The following TMEFF1 variants were observed in gnomAD, a reference collection of about 807,000 sequenced individuals.
The protein encoded by TMEFF1 is tomoregulin-1.
A neutral mutation model predicts 47.5 loss-of-function variants in TMEFF1; 20 were observed. That is an observed-to-expected ratio of 0.42 (90% CI 0.30 to 0.61). The LOEUF is 0.61. Among genes scored for constraint, TMEFF1 ranks in the 20% least tolerant of loss-of-function variants. The probability of loss-of-function intolerance (pLI) is 0.19; values close to 1 mark genes in which losing one functional copy is unlikely to be tolerated. For missense variants in TMEFF1, 411 were observed against 471.1 expected, an observed-to-expected ratio of 0.87 and a Z score of 1.18; for synonymous variants, 162 against 166.3, an observed-to-expected ratio of 0.97 and a Z score of 0.20.
At position 100,516,932 on chromosome 9, in the gene TMEFF1, C is replaced by T. The variant is rs929325347; in HGVS notation, c.560+161C>T. Among the ~76,000 whole-genome samples the T allele has an allele frequency of 6.6e-5, 10 of 152,012 alleles. No individual in the cohort carries two copies. The East Asian group carries it at 1.9e-3, about 29-fold the overall frequency. On this transcript the variant is annotated intron_variant, in intron 5 of 9. Coordinates refer to ENST00000374879, the MANE Select transcript of TMEFF1 (RefSeq NM_003692.5). ...TATTGACTTTTAAATTGATATAATA[C>T]TATGGCTATTTAAATCAGTTTAAGT...
chr9:100,510,276 T>G (rs775107693), intron 3 of TMEFF1, among the ~76,000 whole-genome samples: 2 of 152,150 alleles, frequency 1.3e-5, no homozygotes, highest in Admixed American at 6.5e-5. Context: ...TGCGTGGTTA[T>G]GAAGGGAGAG....
At chr9:100,532,880 T>C (rs1185075111) in intron 5 of TMEFF1, among the ~76,000 whole-genome samples, 11 of 151,834 alleles carry the variant, frequency 7.2e-5, no homozygotes, top group South Asian at 4.2e-4. Flanking sequence ...AAATATGGCA[T>C]ATATACACCA....
At chr9:100,483,779 T>G (rs1837388908) in intron 1 of TMEFF1, among the ~76,000 whole-genome samples, 1 of 146,696 alleles carries the variant, frequency 6.8e-6, no homozygotes, top group African/African-American at 2.6e-5. Context: ...CTCTATCGTC[T>G]GTCTGTCTGT....
intron 6 of TMEFF1, among the ~76,000 whole-genome samples, chr9:100,548,250 G>T (rs1838773195): frequency 6.6e-6 from 1 of 151,830 alleles, no homozygotes; most frequent in Admixed American, 6.6e-5. Flanking sequence ...CTATGTTATT[G>T]CCATATATTT....
At chr9:100,476,138 G>C (rs1236262892) in intron 1 of TMEFF1, among the ~76,000 whole-genome samples, 1 of 151,188 alleles carries the variant, frequency 6.6e-6, no homozygotes, top group Non-Finnish European at 1.5e-5. Flanking sequence ...ATGTTTTCTA[G>C]CAGTAAGATA....
intron 5 of TMEFF1, among the ~76,000 whole-genome samples, chr9:100,530,585 C>T (rs1054097244): frequency 4.6e-5 from 7 of 152,160 alleles, no homozygotes; most frequent in Non-Finnish European, 8.8e-5. Context: ...GAAATTGTGG[C>T]AATAATCAAT....
At chr9:100,498,443 A>G (rs1318532169) in intron 1 of TMEFF1, among the ~76,000 whole-genome samples, 1 of 152,152 alleles carries the variant, frequency 6.6e-6, no homozygotes, top group Non-Finnish European at 1.5e-5. Context: ...AAGAAATAGT[A>G]AGATTGCTAC....
chr9:100,555,404 T>A (rs767257042), intron 7 of TMEFF1, among the ~76,000 whole-genome samples: 4 of 152,218 alleles, frequency 2.6e-5, no homozygotes, highest in Non-Finnish European at 5.9e-5. Flanking sequence ...TTGGCTAATT[T>A]ACTTGGCCTG....
Position 100,534,560 on chromosome 9 carries a change from G to A in TMEFF1, c.561-13184G>A, listed in dbSNP as rs549217515. ...GTAATCACTATAATCAGTAGTATCC[G>A]TGGCCTCTGGAGTCTCATATTTTCC... On this transcript the variant is annotated intron_variant, in intron 5 of 9. Transcript: ENST00000374879. 1.5e-4 allele frequency among the ~76,000 whole-genome samples: 23 copies of A among 152,292 alleles called. 1 individual carries two copies. The highest frequency in any genetic ancestry group is 8.3e-4 in the South Asian group (4 of 4,826).
In TMEFF1 at chr9:100,561,379, G is replaced by A; in HGVS notation, c.776-18G>A. On this transcript the variant is annotated intron_variant, in intron 7 of 9. Coordinates refer to ENST00000374879, the MANE Select transcript of TMEFF1 (RefSeq NM_003692.5). The stretch of plus-strand genomic sequence containing the variant: ...CTTGCGTTTCATTGTTGAACGATCT[G>A]GTTTATGTTCTTTTAAGATGCTAGT... 1 of 1,608,036 alleles carries A rather than the reference G, an allele frequency of 6.2e-7. No individual in the cohort carries two copies. Among genetic ancestry groups the A allele is most frequent in the Non-Finnish European group, 8.5e-7 (1 of 1,177,774 alleles).
chr9:100,527,497 C>A (rs1008197608), intron 5 of TMEFF1, among the ~76,000 whole-genome samples: 1 of 152,138 alleles, frequency 6.6e-6, no homozygotes, highest in Non-Finnish European at 1.5e-5. Flanking sequence ...CCTGGAAAAT[C>A]GGGTCACTCC....
chr9:100,515,430 C>T lies in TMEFF1; in HGVS notation c.464-1245C>T, dbSNP rs932150313. Among the ~76,000 whole-genome samples the T allele has an allele frequency of 9.9e-5, 15 of 152,130 alleles. No individual in the cohort carries two copies. The South Asian group carries it at 1.0e-3, about 11-fold the overall frequency. ...AGGCAGACACCAAAAATTAGAAGTT[C>T]GGAAGCATTACCAAACAGGCATGGC... is the stretch of plus-strand genomic sequence containing the variant. On this transcript the variant is annotated intron_variant, in intron 4 of 9. Coordinates refer to ENST00000374879, the MANE Select transcript of TMEFF1 (RefSeq NM_003692.5).
At chr9:100,534,500 T>C (rs1484469497) in intron 5 of TMEFF1, among the ~76,000 whole-genome samples, 1 of 152,238 alleles carries the variant, frequency 6.6e-6, no homozygotes, top group Non-Finnish European at 1.5e-5. Context: ...TTGGGCATCC[T>C]GACCTCTGCT....
intron 5 of TMEFF1, chr9:100,518,493 C>T (rs1038800380): frequency 1.0e-6 from 1 of 985,248 alleles, no homozygotes; most frequent in African/African-American, 1.7e-5. Flanking sequence ...CATGCAGGCT[C>T]TTACCAGCAG....
intron 7 of TMEFF1, among the ~76,000 whole-genome samples, chr9:100,560,492 A>T (rs1564027755): frequency 6.6e-6 from 1 of 152,150 alleles, no homozygotes; most frequent in Non-Finnish European, 1.5e-5. Flanking sequence ...TGGTGCATAT[A>T]CCAAAAAAAG....
chr9:100,570,549 A>G (rs1238558842), intron 8 of TMEFF1, among the ~76,000 whole-genome samples: 3 of 152,040 alleles, frequency 2.0e-5, no homozygotes, highest in Admixed American at 1.3e-4. Flanking sequence ...TTCCCCATTG[A>G]GTTATCTTAG....
At chr9:100,535,738 T>A (rs1340684561) in intron 5 of TMEFF1, among the ~76,000 whole-genome samples, 1 of 152,244 alleles carries the variant, frequency 6.6e-6, no homozygotes, top group Admixed American at 6.5e-5. Flanking sequence ...CACTCCAGCC[T>A]GAACGACAGA....
At chr9:100,521,478 T>A (rs1407734677) in intron 5 of TMEFF1, among the ~76,000 whole-genome samples, 9 of 152,280 alleles carry the variant, frequency 5.9e-5, no homozygotes, top group East Asian at 1.9e-4. Flanking sequence ...TCCTACTGGG[T>A]CTTAAAACTT....
intron 5 of TMEFF1, among the ~76,000 whole-genome samples, chr9:100,545,531 G>A (rs1383239707): frequency 6.6e-6 from 1 of 152,134 alleles, no homozygotes; most frequent in Non-Finnish European, 1.5e-5. Context: ...TCCTACAATG[G>A]GAGGGGCTGC....
Sources: allele counts gnomAD v4.1 joint callset (sites outside exome capture counted in the v4.1 genomes callset), GRCh38; gene constraint gnomAD v4.1.1; transcripts MANE v1.5; gene names NCBI Gene and HGNC (gene_info 2026-07-23, HGNC 2026-07-21).